GTF2E2: variants seen among roughly 807,000 people sequenced by gnomAD.
GTF2E2 encodes general transcription factor IIE subunit 2.
A neutral mutation model predicts 40.5 loss-of-function variants in GTF2E2; 21 were observed. The ratio of observed to expected loss-of-function variants is 0.52; its 90% CI spans 0.37 to 0.75. The LOEUF (loss-of-function observed/expected upper bound fraction) is 0.75, where lower values mean the gene tolerates loss of function less well. Among genes scored for constraint, GTF2E2 ranks in the 30% least tolerant of loss-of-function variants. The probability of loss-of-function intolerance (pLI) is 0.00; values close to 1 mark genes in which losing one functional copy is unlikely to be tolerated. For missense variants in GTF2E2, 298 were observed against 338.4 expected (o/e 0.88, Z 0.94); for synonymous variants, 117 against 121.6 (o/e 0.96, Z 0.25).
intron 7 of GTF2E2, among the ~76,000 whole-genome samples, chr8:30,579,457 T>C (rs1828445413): frequency 2.6e-5 from 4 of 152,226 alleles, no homozygotes; most frequent in Admixed American, 2.6e-4. Flanking sequence ...TTCTTTTCTA[T>C]ATACTTGAAA....
chr8:30,649,007 A>G (rs141997432), intron 2 of GTF2E2, among the ~76,000 whole-genome samples: 1 of 152,360 alleles, frequency 6.6e-6, no homozygotes, highest in East Asian at 1.9e-4. Flanking sequence ...AAACTACAAA[A>G]TGCAAAGACA....
In GTF2E2 at chr8:30,619,952, G is replaced by T. The variant is rs376690179; in HGVS notation, c.259-5237C>A. Among the ~76,000 whole-genome samples the T allele has an allele frequency of 2.9e-4, 44 of 152,002 alleles. 1 individual carries two copies. The highest frequency in any genetic ancestry group is 1.1e-3 in the African/African-American group (44 of 41,374). On this transcript the variant is annotated intron_variant, in intron 3 of 7. Transcript: ENST00000355904. ...GTGTCCCTTAAAAGGGAAAGAGGGA[G>T]GCAGGAGAGTCCGAGTGAATAGCAA...
At chr8:30,647,746 T>G (rs1391612252) in intron 2 of GTF2E2, among the ~76,000 whole-genome samples, 2 of 152,262 alleles carry the variant, frequency 1.3e-5, no homozygotes, top group African/African-American at 4.8e-5. Context: ...AACTGAGCAC[T>G]GTTAAAACCA....
intron 1 of GTF2E2, among the ~76,000 whole-genome samples, chr8:30,655,017 C>T (rs961815940): frequency 6.6e-6 from 1 of 152,022 alleles, no homozygotes; most frequent in Non-Finnish European, 1.5e-5. Context: ...GAGAGACCAG[C>T]CTGGGCAACA....
intron 3 of GTF2E2, among the ~76,000 whole-genome samples, chr8:30,626,736 G>A (rs183090830): frequency 6.6e-6 from 1 of 152,300 alleles, no homozygotes; most frequent in East Asian, 1.9e-4. Context: ...CACCAGTGCA[G>A]CAAGAGAGAG....
chr8:30,617,393 G>A (rs1212508531), intron 3 of GTF2E2, among the ~76,000 whole-genome samples: 1 of 152,144 alleles, frequency 6.6e-6, no homozygotes, highest in Admixed American at 6.6e-5. Context: ...AACTACTTCT[G>A]CCTTTAGAGC....
rs955145545 is a variant in GTF2E2, at chr8:30,578,370, G to C, written c.*551C>G. 2.2e-4 allele frequency: 34 copies of C among 152,510 alleles called. No homozygotes were observed. The highest frequency in any genetic ancestry group is 1.6e-3 in the Admixed American group (24 of 15,318). The allele number at this position is 152,510 out of a possible 1,614,324, so 9.4% of individuals were successfully genotyped here. On this transcript the variant is annotated 3_prime_UTR_variant, in exon 8 of 8. Coordinates refer to ENST00000355904, the MANE Select transcript of GTF2E2 (RefSeq NM_002095.6). ...GCTTGCTAACAAGCAGCACACCTGT[G>C]TTCCAGTGGTGAAATCCATGTGCTC...
At chr8:30,625,689 C>G (rs2151139737) in intron 3 of GTF2E2, among the ~76,000 whole-genome samples, 1 of 152,236 alleles carries the variant, frequency 6.6e-6, no homozygotes, top group East Asian at 1.9e-4. Flanking sequence ...ACCTCCACCT[C>G]CAGGGTTCAG....
At chr8:30,607,898 A>G (rs1829368031) in intron 5 of GTF2E2, among the ~76,000 whole-genome samples, 1 of 152,178 alleles carries the variant, frequency 6.6e-6, no homozygotes. Context: ...AGAATGATTA[A>G]ATCACCTAGA....
At chr8:30,650,126 G>C (rs560327004) in intron 2 of GTF2E2, among the ~76,000 whole-genome samples, 1 of 152,058 alleles carries the variant, frequency 6.6e-6, no homozygotes, top group Non-Finnish European at 1.5e-5. Context: ...AGGCACCAGA[G>C]AAAAACGAAA....
intron 2 of GTF2E2, among the ~76,000 whole-genome samples, chr8:30,641,852 G>A (rs573858886): frequency 1.9e-3 from 288 of 152,148 alleles, no homozygotes; most frequent in African/African-American, 4.6e-3. Flanking sequence ...ATCCAGCCTG[G>A]GTGACAGAAC....
At chr8:30,629,016 T>C (rs937144592) in intron 3 of GTF2E2, among the ~76,000 whole-genome samples, 4 of 152,214 alleles carry the variant, frequency 2.6e-5, no homozygotes, top group Non-Finnish European at 4.4e-5. Flanking sequence ...TAATATAACT[T>C]ACACTAATTA....
At chr8:30,645,859 AG>A in intron 2 of GTF2E2, 1 of 340,632 alleles carries the variant, frequency 2.9e-6, no homozygotes, top group Non-Finnish European at 5.3e-6. Context: ...AGATTCCTAG[AG>A]TTCAATATTA....
chr8:30,652,584 G>A (rs889681409), intron 2 of GTF2E2, among the ~76,000 whole-genome samples: 1 of 151,504 alleles, frequency 6.6e-6, no homozygotes, highest in Non-Finnish European at 1.5e-5. Flanking sequence ...CGTTAGCAAG[G>A]ATGAGAAAAA....
At chr8:30,600,886 C>A (rs928534520) in intron 6 of GTF2E2, among the ~76,000 whole-genome samples, 1 of 152,194 alleles carries the variant, frequency 6.6e-6, no homozygotes, top group Non-Finnish European at 1.5e-5. Context: ...CTGAAGTGTG[C>A]GCACTCAGAG....
chr8:30,630,600 C>G (rs74743427), intron 3 of GTF2E2, among the ~76,000 whole-genome samples: 1,668 of 152,208 alleles, frequency 0.011, 18 homozygotes, highest in Non-Finnish European at 0.017. Context: ...AAGCCCTTCT[C>G]TTTACCTTCC....
At chr8:30,645,647 G>A (rs1324533889) in intron 2 of GTF2E2, 4 of 1,465,742 alleles carry the variant, frequency 2.7e-6, no homozygotes, top group Non-Finnish European at 3.6e-6. Flanking sequence ...AACCTCTTCT[G>A]AGAAAAAAAA....
chr8:30,647,247 A>C (rs1432363486), intron 2 of GTF2E2, among the ~76,000 whole-genome samples: 2 of 152,126 alleles, frequency 1.3e-5, no homozygotes, highest in Non-Finnish European at 2.9e-5. Context: ...TGTGCAATAA[A>C]TAACTGTGTG....
At chr8:30,641,603 C>T (rs958973281) in intron 2 of GTF2E2, among the ~76,000 whole-genome samples, 6 of 152,110 alleles carry the variant, frequency 3.9e-5, no homozygotes, top group Non-Finnish European at 5.9e-5. Flanking sequence ...TGGCCAGGCG[C>T]GGTGGCTCAT....
Sources: allele counts gnomAD v4.1 joint callset (sites outside exome capture counted in the v4.1 genomes callset), GRCh38; gene constraint gnomAD v4.1.1; transcripts MANE v1.5; gene names NCBI Gene and HGNC (gene_info 2026-07-23, HGNC 2026-07-21).